Variants in FMNL2 observed in about 807,000 individuals in gnomAD.
FMNL2 encodes the protein formin-like protein 2.
Under a neutral mutation model 130.2 loss-of-function variants are expected in FMNL2, and 51 were observed. The observed-to-expected ratio is 0.39, with a 90% CI of 0.31 to 0.49. The LOEUF is 0.49. Among genes scored for constraint, FMNL2 ranks in the 20% least tolerant of loss-of-function variants. The probability of loss-of-function intolerance (pLI) is 0.85; values close to 1 mark genes in which losing one functional copy is unlikely to be tolerated. For missense variants in FMNL2, 977 were observed against 1,316.2 expected, an observed-to-expected ratio of 0.74 and a Z score of 3.99; for synonymous variants, 465 against 467.1, an observed-to-expected ratio of 1.00 and a Z score of 0.06.
At chr2:152,335,852 C>T in intron 1 of FMNL2, 132 bp downstream of exon 1, 1 of 573,338 alleles carries the variant, frequency 1.7e-6, no homozygotes, top group East Asian at 3.8e-5. Flanking sequence ...TCCCGCTTTC[C>T]CCTTTGTGGC....
intron 1 of FMNL2, among the ~76,000 whole-genome samples, chr2:152,477,759 A>G (rs1005787762): frequency 6.6e-6 from 1 of 152,192 alleles, no homozygotes. Context: ...CAATAACGAT[A>G]GAAAAGTGGT....
chr2:152,637,678 T>A lies in FMNL2; in HGVS notation c.2946+4T>A. On this transcript the variant is annotated splice_donor_region_variant and intron_variant, in intron 23 of 25. Transcript: ENST00000288670. ...CCGGTTTGTGAAAGCATATAAGGTA[T>A]ATGTTAAGGCCCTCCTTGCCCTTAT... is the stretch of plus-strand genomic sequence containing the variant. 6.2e-7 allele frequency: 1 copy of A among 1,612,588 alleles called. No individual in the cohort carries two copies. Among genetic ancestry groups the A allele is most frequent in the Non-Finnish European group, 8.5e-7 (1 of 1,178,632 alleles).
At position 152,589,987 on chromosome 2, in the gene FMNL2, A is replaced by ATATGTATATG. The variant is rs372464578; in HGVS notation, c.876+8942_876+8951dup. ...TATATATATATATATATATATATGT[A>ATATGTATATG]TATGTATATGTATATATATATACAT... On this transcript the variant is annotated intron_variant, in intron 9 of 25. Coordinates refer to ENST00000288670, the MANE Select transcript of FMNL2 (RefSeq NM_052905.4). Among the ~76,000 whole-genome samples the ATATGTATATG allele has an allele frequency of 6.4e-3, 351 of 55,104 alleles. 5 individuals carry two copies. The highest frequency in any genetic ancestry group is 0.023 in the African/African-American group (305 of 13,296). 36.2% of individuals were successfully genotyped at this position (55,104 alleles called of 152,430 possible).
In FMNL2 at chr2:152,375,877, C is replaced by CTCTCTCTATATATATATATATA. The variant is rs796954245; in HGVS notation, c.117+40158_117+40159insCTCTCTATATATATATATATAT. Among the ~76,000 whole-genome samples, 69 of 112,448 alleles carry CTCTCTCTATATATATATATATA rather than the reference C, an allele frequency of 6.1e-4. No homozygotes were observed. The East Asian group carries it at 7.1e-3, about 12-fold the overall frequency. The allele number at this position is 112,448 out of a possible 152,430, so 73.8% of individuals were successfully genotyped here. On this transcript the variant is annotated intron_variant, in intron 1 of 25. Coordinates refer to ENST00000288670, the MANE Select transcript of FMNL2 (RefSeq NM_052905.4). ...TCTCTCTCTCTCTCTCTCTCTCTCT[C>CTCTCTCTATATATATATATATA]TATATATATATATATATATAATTAT...
chr2:152,527,844 C>G (rs1290101375), intron 2 of FMNL2, among the ~76,000 whole-genome samples: 2 of 152,046 alleles, frequency 1.3e-5, no homozygotes, highest in African/African-American at 2.4e-5. Flanking sequence ...TTCTTTGTAT[C>G]TTAACTTGTA....
chr2:152,516,041 T>A (rs1394217028), intron 1 of FMNL2, among the ~76,000 whole-genome samples: 1 of 152,114 alleles, frequency 6.6e-6, no homozygotes, highest in Non-Finnish European at 1.5e-5. Context: ...AATGAGTAAA[T>A]CCTTGCTTGC....
chr2:152,450,436 G>C (rs769845047), intron 1 of FMNL2, among the ~76,000 whole-genome samples: 14 of 152,164 alleles, frequency 9.2e-5, no homozygotes, highest in Non-Finnish European at 1.9e-4. Flanking sequence ...ATGTTTTGTA[G>C]TTACAGCAGT....
rs1698678603 is a variant in FMNL2 at position 152,611,456 on chromosome 2, G to A, written c.952-39G>A. 2.4e-6 allele frequency: 3 copies of A among 1,251,142 alleles called. No individual in the cohort carries two copies. In the South Asian group the frequency reaches 4.0e-5, roughly 17 times the overall value. The allele number at this position is 1,251,142 out of a possible 1,614,324, so 77.5% of individuals were successfully genotyped here. ...TGTCTGCAGTTAAACTGAGAAAAAA[G>A]TTTGGAGCCCATCTAACCCCTTGAC... is the stretch of plus-strand genomic sequence containing the variant. On this transcript the variant is annotated intron_variant, in intron 10 of 25. Coordinates refer to ENST00000288670, the MANE Select transcript of FMNL2 (RefSeq NM_052905.4).
chr2:152,399,729 G>A (rs988197047), intron 1 of FMNL2, among the ~76,000 whole-genome samples: 10 of 152,298 alleles, frequency 6.6e-5, no homozygotes, highest in East Asian at 1.9e-4. Context: ...GGCAGAATTT[G>A]TAAGGCTTTG....
At chr2:152,550,112 C>T (rs145016295) in intron 4 of FMNL2, among the ~76,000 whole-genome samples, 2 of 152,192 alleles carry the variant, frequency 1.3e-5, no homozygotes, top group East Asian at 3.9e-4. Flanking sequence ...TTCCCCCCCT[C>T]ATCAATGTCA....
intron 9 of FMNL2, among the ~76,000 whole-genome samples, chr2:152,590,165 T>C (rs1257167725): frequency 2.6e-5 from 4 of 151,068 alleles, no homozygotes; most frequent in Admixed American, 1.3e-4. Flanking sequence ...GGATTACAAG[T>C]GTGGGCCACC....
chr2:152,466,136 A>G (rs983251878), intron 1 of FMNL2, among the ~76,000 whole-genome samples: 2 of 148,106 alleles, frequency 1.4e-5, no homozygotes, highest in African/African-American at 5.3e-5. Context: ...AGGAGACTCA[A>G]GAGAGCATAT....
intron 9 of FMNL2, among the ~76,000 whole-genome samples, chr2:152,591,301 G>A (rs954876450): frequency 2.7e-4 from 41 of 152,006 alleles, no homozygotes; most frequent in African/African-American, 8.7e-4. Context: ...GAGCCACTGC[G>A]CCCGGCCTCC....
Position 152,522,044 on chromosome 2 carries a change from T to C in FMNL2, c.201+18T>C. ...GTGATCAGGTAAGAAACAGTGACAC[T>C]TTCTTTTATGAAAAAAGTAATGAAA... On this transcript the variant is annotated intron_variant, in intron 2 of 25. Transcript: ENST00000288670. 1.9e-6 allele frequency: 3 copies of C among 1,588,516 alleles called. No individual in the cohort carries two copies. The South Asian group carries it at 3.4e-5, about 18-fold the overall frequency.
At chr2:152,425,671 A>G (rs1444002234) in intron 1 of FMNL2, among the ~76,000 whole-genome samples, 1 of 152,208 alleles carries the variant, frequency 6.6e-6, no homozygotes, top group East Asian at 1.9e-4. Flanking sequence ...TGTTTATACC[A>G]GGTATTTTTA....
chr2:152,386,606 T>C (rs1282690636), intron 1 of FMNL2, among the ~76,000 whole-genome samples: 1 of 152,228 alleles, frequency 6.6e-6, no homozygotes, highest in Non-Finnish European at 1.5e-5. Flanking sequence ...TTTCACCTTA[T>C]ATGTGTCTAT....
intron 9 of FMNL2, among the ~76,000 whole-genome samples, chr2:152,585,665 T>G (rs1259850341): frequency 1.3e-5 from 2 of 152,056 alleles, no homozygotes; most frequent in African/African-American, 4.8e-5. Flanking sequence ...TGCTTTTTCT[T>G]CTCTTCCAAA....
intron 1 of FMNL2, among the ~76,000 whole-genome samples, chr2:152,371,527 G>A (rs1683877330): frequency 6.6e-6 from 1 of 151,888 alleles, no homozygotes; most frequent in African/African-American, 2.4e-5. Context: ...AAATTAGCTG[G>A]GCGTGGTGCC....
At chr2:152,584,288 G>A (rs1696946010) in intron 9 of FMNL2, among the ~76,000 whole-genome samples, 1 of 152,098 alleles carries the variant, frequency 6.6e-6, no homozygotes, top group Non-Finnish European at 1.5e-5. Context: ...AGCCACATAT[G>A]GCAGAGAGAG....
Sources: gnomAD v4.1 joint callset for allele counts (sites outside exome capture counted in the v4.1 genomes callset) on GRCh38, gnomAD v4.1.1 for gene constraint, MANE v1.5 for transcripts, NCBI Gene and HGNC (gene_info 2026-07-23, HGNC 2026-07-21) for gene names.